The following FBXL7 variants were observed in gnomAD, a reference collection of about 807,000 sequenced individuals.
The protein encoded by FBXL7 is F-box and leucine rich repeat protein 7, also known as F-box/LRR-repeat protein 7.
FBXL7 carries 12 observed loss-of-function variants against 38.3 expected under a neutral mutation model. The observed-to-expected ratio is 0.31, with a 90% CI of 0.20 to 0.51. FBXL7 has a LOEUF of 0.51. Ranked by LOEUF, FBXL7 falls within the 20% of genes least tolerant of loss-of-function variation. FBXL7 has a pLI of 0.98. For missense variants in FBXL7, 567 were observed against 676.4 expected, an observed-to-expected ratio of 0.84 and a Z score of 1.79; for synonymous variants, 297 against 300.9, an observed-to-expected ratio of 0.99 and a Z score of 0.13.
At chr5:15,809,320 T>C (rs1409956173) in intron 2 of FBXL7, among the ~76,000 whole-genome samples, 2 of 152,166 alleles carry the variant, frequency 1.3e-5, no homozygotes, top group East Asian at 1.9e-4. Context: ...ACTTGCTTAA[T>C]TAGGAAATGA....
In FBXL7 at chr5:15,767,430, T is replaced by G. The variant is rs1736620085; in HGVS notation, c.127+151358T>G. 1.3e-5 allele frequency among the ~76,000 whole-genome samples: 2 copies of G among 152,148 alleles called. 1 individual carries two copies. On this transcript the variant is annotated intron_variant, in intron 2 of 3. Coordinates refer to ENST00000504595, the MANE Select transcript of FBXL7 (RefSeq NM_012304.5). ...TTGTGCCTGTCTGCAGGAGGCATAGTCTTTGCGGTGTGAGGAAGGCTACAG... is the reference window on the plus strand; with the variant it reads ...TTGTGCCTGTCTGCAGGAGGCATAGGCTTTGCGGTGTGAGGAAGGCTACAG...
chr5:15,600,246 G>A (rs1027804865), intron 1 of FBXL7, among the ~76,000 whole-genome samples: 2 of 152,236 alleles, frequency 1.3e-5, no homozygotes, highest in African/African-American at 2.4e-5. Context: ...AGGAAGGAAT[G>A]CTGGTGGATT....
At chr5:15,830,470 TGA>T (rs1173201731) in intron 2 of FBXL7, among the ~76,000 whole-genome samples, 1 of 132,086 alleles carries the variant, frequency 7.6e-6, no homozygotes. Flanking sequence ...GGCGACAGAG[TGA>T]GACTCCATCT....
At chr5:15,763,242 T>C (rs1270611323) in intron 2 of FBXL7, among the ~76,000 whole-genome samples, 1 of 152,196 alleles carries the variant, frequency 6.6e-6, no homozygotes, top group Non-Finnish European at 1.5e-5. Context: ...TAAAAGCATG[T>C]AATCCCCCTG....
At chr5:15,902,517 G>A (rs1430671920) in intron 2 of FBXL7, among the ~76,000 whole-genome samples, 1 of 152,186 alleles carries the variant, frequency 6.6e-6, no homozygotes, top group East Asian at 1.9e-4. Flanking sequence ...GAGGAAGTTG[G>A]TACAATCCAG....
At chr5:15,658,154 C>T (rs1331356322) in intron 2 of FBXL7, among the ~76,000 whole-genome samples, 1 of 152,124 alleles carries the variant, frequency 6.6e-6, no homozygotes, top group East Asian at 1.9e-4. Context: ...GTACAGTGTC[C>T]TGTGGAACAA....
intron 2 of FBXL7, among the ~76,000 whole-genome samples, chr5:15,837,948 A>G (rs1281063978): frequency 6.6e-6 from 1 of 152,178 alleles, no homozygotes; most frequent in Non-Finnish European, 1.5e-5. Context: ...AAATGGATAA[A>G]TAAGTTTTGT....
intron 1 of FBXL7, among the ~76,000 whole-genome samples, chr5:15,523,867 G>A (rs1354995493): frequency 1.3e-5 from 2 of 152,132 alleles, no homozygotes; most frequent in African/African-American, 4.8e-5. Flanking sequence ...GCGTTCTGCT[G>A]GCAGCATGTG....
intron 2 of FBXL7, among the ~76,000 whole-genome samples, chr5:15,848,206 ATTAT>A (rs139618663): frequency 0.039 from 5,887 of 152,224 alleles, 121 homozygotes; most frequent in Middle Eastern, 0.061. Flanking sequence ...TCTTTGAATA[ATTAT>A]TTATAATAAT....
intron 2 of FBXL7, among the ~76,000 whole-genome samples, chr5:15,854,728 C>T (rs1739202626): frequency 1.3e-5 from 2 of 152,090 alleles, no homozygotes; most frequent in Non-Finnish European, 1.5e-5. Flanking sequence ...TTGGCTGAAG[C>T]GAGTGACAAA....
intron 2 of FBXL7, among the ~76,000 whole-genome samples, chr5:15,838,904 T>A (rs1294955245): frequency 6.6e-6 from 1 of 152,230 alleles, no homozygotes; most frequent in Admixed American, 6.5e-5. Flanking sequence ...TATTTTGCCC[T>A]AAATTCTAAG....
chr5:15,887,549 C>T (rs1740727021), intron 2 of FBXL7, among the ~76,000 whole-genome samples: 2 of 152,172 alleles, frequency 1.3e-5, no homozygotes, highest in Admixed American at 6.5e-5. Context: ...GAAATGGCTC[C>T]AAACCATCAA....
At chr5:15,607,048 A>G (rs533810844) in intron 1 of FBXL7, 1 of 152,350 alleles carries the variant, frequency 6.6e-6, no homozygotes, top group South Asian at 2.1e-4. Flanking sequence ...ATCAAAGAAG[A>G]TAAGAAATTA....
At chr5:15,913,164 T>C (rs1476689457) in intron 2 of FBXL7, among the ~76,000 whole-genome samples, 3 of 152,170 alleles carry the variant, frequency 2.0e-5, no homozygotes, top group Non-Finnish European at 4.4e-5. Context: ...GCCTTGGATA[T>C]AGTAAGTGCT....
intron 2 of FBXL7, among the ~76,000 whole-genome samples, chr5:15,673,939 A>G (rs1742569105): frequency 6.6e-6 from 1 of 152,230 alleles, no homozygotes; most frequent in Non-Finnish European, 1.5e-5. Flanking sequence ...TGAGCAGATT[A>G]TCTTGCAAGT....
At chr5:15,594,270 C>T (rs975011175) in intron 1 of FBXL7, among the ~76,000 whole-genome samples, 6 of 152,194 alleles carry the variant, frequency 3.9e-5, no homozygotes, top group African/African-American at 1.2e-4. Context: ...TTTCATTGAA[C>T]GTGGAGGGCG....
At chr5:15,731,152 TC>T (rs1299369291) in intron 2 of FBXL7, among the ~76,000 whole-genome samples, 1 of 152,118 alleles carries the variant, frequency 6.6e-6, no homozygotes, top group Non-Finnish European at 1.5e-5. Context: ...ATTCAAGTGT[TC>T]CAGGGAAGAG....
chr5:15,863,581 T>C (rs75810711), intron 2 of FBXL7, among the ~76,000 whole-genome samples: 2,151 of 152,282 alleles, frequency 0.014, 48 homozygotes, highest in African/African-American at 0.047. Context: ...CTGTCTCTTA[T>C]GGTTTGGATA....
At chr5:15,930,736 A>C (rs1742016997) in intron 3 of FBXL7, among the ~76,000 whole-genome samples, 1 of 152,246 alleles carries the variant, frequency 6.6e-6, no homozygotes, top group East Asian at 1.9e-4. Context: ...GGGAATCTGC[A>C]GCTCACCAAG....
Sources: gnomAD v4.1 joint callset for allele counts (sites outside exome capture counted in the v4.1 genomes callset) on GRCh38, gnomAD v4.1.1 for gene constraint, MANE v1.5 for transcripts, NCBI Gene and HGNC (gene_info 2026-07-23, HGNC 2026-07-21) for gene names.